SCN1A: variants seen among roughly 807,000 people sequenced by gnomAD.
SCN1A encodes sodium voltage-gated channel alpha subunit 1, also known as sodium channel protein type 1 subunit alpha.
A neutral mutation model predicts 193.7 loss-of-function variants in SCN1A; 13 were observed. The ratio of observed to expected loss-of-function variants is 0.07; its 90% CI spans 0.04 to 0.11. SCN1A has a LOEUF of 0.11. SCN1A is among the 10% of genes least tolerant of loss of function. The pLI, the probability that SCN1A is intolerant of heterozygous loss-of-function variation, is 1.00. For missense variants in SCN1A, 1,432 were observed against 2,451.1 expected (o/e 0.58, Z 8.78); for synonymous variants, 781 against 843.6 (o/e 0.93, Z 1.29).
intron 4 of SCN1A, among the ~76,000 whole-genome samples, chr2:166,067,860 C>A (rs887860792): frequency 6.6e-6 from 1 of 152,110 alleles, no homozygotes; most frequent in Non-Finnish European, 1.5e-5. Flanking sequence ...CCATCCCATA[C>A]CAAGGAGACC....
chr2:166,055,369 G>A (rs1699024100), intron 6 of SCN1A, among the ~76,000 whole-genome samples: 1 of 151,932 alleles, frequency 6.6e-6, no homozygotes, highest in Non-Finnish European at 1.5e-5. Context: ...ATTGGGGTGT[G>A]AGAGTGGCAT....
intron 20 of SCN1A, 149 bp from the exon 21 acceptor site, chr2:166,014,047 A>C: frequency 1.1e-6 from 1 of 924,864 alleles, no homozygotes; most frequent in Non-Finnish European, 1.7e-6. Context: ...GAGCACATTC[A>C]TCAGCTGTGT....
intron 3 of SCN1A, chr2:166,075,473 G>T (rs1255211824): frequency 1.3e-5 from 2 of 151,892 alleles, no homozygotes; most frequent in African/African-American, 4.8e-5. Flanking sequence ...ATGTATATTA[G>T]AGTTCATTTA....
chr2:166,073,614 T>C lies in SCN1A; in HGVS notation c.8A>G (p.Gln3Arg). 6.2e-7 allele frequency: 1 copy of C among 1,614,222 alleles called. No homozygotes were observed. Among genetic ancestry groups the C allele is most frequent in the Non-Finnish European group, 8.5e-7 (1 of 1,180,022 alleles). The change falls in exon 4 of 29, where the codon CAA becomes CGA. Residue 3 changes from glutamine to arginine, a missense_variant. Around this residue, in one of 18 missense-constraint regions of SCN1A, gnomAD observed 55 missense variants for 58.4 expected, o/e 0.94. Coordinates refer to ENST00000674923, the MANE Select transcript of SCN1A (RefSeq NM_001165963.4). ...AGGTCCTGGTGGTACAAGCACTGTTTGCTCCATCTTGTCATCCTGCACATT... is the reference window on the plus strand; with the variant it reads ...AGGTCCTGGTGGTACAAGCACTGTTCGCTCCATCTTGTCATCCTGCACATT... ME[Q>R]TVLVPPGPDS...
intron 2 of SCN1A, among the ~76,000 whole-genome samples, chr2:166,097,595 A>T (rs1687534036): frequency 6.7e-6 from 1 of 150,292 alleles, no homozygotes; most frequent in Admixed American, 6.7e-5. Flanking sequence ...GTATTCAATT[A>T]AAAAAAAATA....
chr2:166,104,983 C>G (rs1286184715), intron 2 of SCN1A, among the ~76,000 whole-genome samples: 1 of 152,118 alleles, frequency 6.6e-6, no homozygotes, highest in African/African-American at 2.4e-5. Context: ...GACGTAATTT[C>G]TCAGCTTCTG....
chr2:166,141,736 T>A (rs1377791070), intron 1 of SCN1A, among the ~76,000 whole-genome samples: 1 of 141,574 alleles, frequency 7.1e-6, no homozygotes, highest in Non-Finnish European at 1.6e-5. Flanking sequence ...CTTTTCTTTT[T>A]TTTTTTTCTA....
At chr2:166,054,369 G>A (rs1316426274) in intron 7 of SCN1A, among the ~76,000 whole-genome samples, 1 of 151,690 alleles carries the variant, frequency 6.6e-6, no homozygotes, top group African/African-American at 2.4e-5. Flanking sequence ...ATGTGTGTGT[G>A]TTTGTGCATG....
intron 2 of SCN1A, among the ~76,000 whole-genome samples, chr2:166,114,285 G>A (rs1252705469): frequency 1.3e-5 from 2 of 152,144 alleles, no homozygotes; most frequent in Non-Finnish European, 2.9e-5. Context: ...CTGAAAGCAG[G>A]AAAACATCTG....
At chr2:166,023,011 TA>T (rs961928999) in intron 19 of SCN1A, among the ~76,000 whole-genome samples, 5 of 150,968 alleles carry the variant, frequency 3.3e-5, no homozygotes, top group African/African-American at 4.9e-5. Flanking sequence ...CACAATAGGT[TA>T]AAAAAAAACA....
intron 23 of SCN1A, chr2:166,007,084 AC>A (rs2105545821): frequency 6.6e-6 from 1 of 150,728 alleles, no homozygotes; most frequent in South Asian, 2.1e-4. Context: ...GAAATTTAAG[AC>A]AATTGAAAAG....
At chr2:166,058,824 C>G in intron 4 of SCN1A, 136 bp from the exon 5 acceptor site, 1 of 640,284 alleles carries the variant, frequency 1.6e-6, no homozygotes, top group South Asian at 1.8e-5. Context: ...TTCTAAAGTG[C>G]CCCATGAAAA....
Position 166,073,503 on chromosome 2 carries a change from T to C in SCN1A, c.119A>G (p.Asp40Gly), listed in dbSNP as rs1684688433. 2.5e-6 allele frequency: 4 copies of C among 1,614,200 alleles called. No homozygotes were observed. Among genetic ancestry groups the C allele is most frequent in the Non-Finnish European group, 3.4e-6 (4 of 1,180,022 alleles). ...AEEKAKNPKP[D>G]KKDDDENGPK... The stretch of plus-strand genomic sequence containing the variant: ...GCCATTTTCGTCGTCATCTTTTTTG[T>C]CTGGTTTGGGATTCTTTGCCTTTTC... Residue 40 changes from aspartate to glycine, a missense_variant, in exon 4 of 29, where the codon GAC becomes GGC. Around this residue, in one of 18 missense-constraint regions of SCN1A, gnomAD observed 55 missense variants for 58.4 expected, o/e 0.94. Transcript: ENST00000674923.
At chr2:166,013,680 A>G in intron 21 of SCN1A, 64 bp downstream of exon 21, 1 of 1,429,484 alleles carries the variant, frequency 7.0e-7, no homozygotes, top group Non-Finnish European at 9.8e-7. Context: ...AAGGATTAAT[A>G]AGTCATCAGT....
downstream of SCN1A, chr2:165,985,263 TTGAA>T (rs1688540119): frequency 7.0e-6 from 1 of 142,624 alleles, no homozygotes; most frequent in South Asian, 2.2e-4. Flanking sequence ...AAAGTATGGA[TTGAA>T]GGAAGGAAGG....
At chr2:166,098,362 A>G (rs1687631018) in intron 2 of SCN1A, among the ~76,000 whole-genome samples, 1 of 152,170 alleles carries the variant, frequency 6.6e-6, no homozygotes, top group African/African-American at 2.4e-5. Flanking sequence ...AGGCCAAAGC[A>G]TAAGAGCCAT....
chr2:166,035,315 C>T (rs1008578239), intron 19 of SCN1A, among the ~76,000 whole-genome samples: 4 of 152,026 alleles, frequency 2.6e-5, no homozygotes, highest in Non-Finnish European at 5.9e-5. Context: ...TTTGTTAGAT[C>T]GTTCATTCAT....
chr2:165,989,019 G>C lies in SCN1A; in HGVS notation c.*2226C>G. ...TACCCTAGGTTTTGTTGTCAACGTG[G>C]GTATGCCTCTGTGTGTGTGTGTGTG... On this transcript the variant is annotated 3_prime_UTR_variant, in exon 29 of 29. Coordinates refer to ENST00000674923, the MANE Select transcript of SCN1A (RefSeq NM_001165963.4). 7.8e-6 allele frequency: 1 copy of C among 128,560 alleles called. No individual in the cohort carries two copies. The highest frequency in any genetic ancestry group is 1.6e-5 in the Non-Finnish European group (1 of 61,856). The allele number at this position is 128,560 out of a possible 1,614,324, so 8.0% of individuals were successfully genotyped here.
At chr2:166,067,700 C>CTT (rs5836079) in intron 4 of SCN1A, among the ~76,000 whole-genome samples, 2,182 of 128,320 alleles carry the variant, frequency 0.017, 101 homozygotes, top group African/African-American at 0.057. Context: ...GAGTACATAG[C>CTT]TTTTTTTTTT....
Sources: gnomAD v4.1 joint callset for allele counts (sites outside exome capture counted in the v4.1 genomes callset) on GRCh38, gnomAD v4.1.1 for gene constraint, gnomAD v4.1.1 regional missense constraint, MANE v1.5 for transcripts, NCBI Gene and HGNC (gene_info 2026-07-23, HGNC 2026-07-21) for gene names.